The following CRLF3 variants were observed in gnomAD, a reference collection of about 807,000 sequenced individuals.
The protein encoded by CRLF3 is cytokine receptor like factor 3, also known as cytokine receptor-like factor 3.
CRLF3 carries 33 observed loss-of-function variants against 55.0 expected under a neutral mutation model. That is an observed-to-expected ratio of 0.60 (90% CI 0.46 to 0.80). The LOEUF (loss-of-function observed/expected upper bound fraction) is 0.80. CRLF3 is among the 30% of genes least tolerant of loss of function. CRLF3 has a pLI of 0.00. For synonymous variants in CRLF3, 238 were observed against 196.8 expected (o/e 1.21, Z -1.75); for missense variants, 494 against 538.4 (o/e 0.92, Z 0.82).
intron 1 of CRLF3, among the ~76,000 whole-genome samples, chr17:30,817,648 C>T (rs1239343091): frequency 6.6e-6 from 1 of 151,872 alleles, no homozygotes; most frequent in Non-Finnish European, 1.5e-5. Context: ...TGGCTCAAGC[C>T]TGTAATCCCA....
At chr17:30,799,348 C>CAAA (rs1971969949) in intron 2 of CRLF3, among the ~76,000 whole-genome samples, 1 of 152,116 alleles carries the variant, frequency 6.6e-6, no homozygotes, top group Non-Finnish European at 1.5e-5. Context: ...CTGTAACACT[C>CAAA]ACACTGCCTC....
Position 30,786,012 on chromosome 17 carries a change from G to C in CRLF3, c.979C>G (p.Pro327Ala). The change falls in exon 7 of 8, where the codon CCA becomes GCA. Residue 327 changes from proline to alanine, a missense_variant. Physicochemically the swap from Pro to Ala is conservative, Grantham distance 27. Coordinates refer to ENST00000324238, the MANE Select transcript of CRLF3 (RefSeq NM_015986.4). Reference sequence around the variant, plus strand: ...ACTCCTATGCTATCTCTTCTGTCTGGCTGTCCCACAGTTTCAACTCTGTAA... The same window carrying C: ...ACTCCTATGCTATCTCTTCTGTCTGCCTGTCCCACAGTTTCAACTCTGTAA... ...LTFRVETVGQ[P>A]DRRDSIGVCA... 6.2e-7 allele frequency: 1 copy of C among 1,606,554 alleles called. No homozygotes were observed. Among genetic ancestry groups the C allele is most frequent in the Non-Finnish European group, 8.5e-7 (1 of 1,173,878 alleles).
At chr17:30,797,046 A>C (rs1478401391) in intron 3 of CRLF3, among the ~76,000 whole-genome samples, 1 of 151,968 alleles carries the variant, frequency 6.6e-6, no homozygotes, top group East Asian at 1.9e-4. Context: ...TTACAGGTCC[A>C]TGCCCGTCTA....
chr17:30,796,606 A>C (rs1971922099), intron 3 of CRLF3, among the ~76,000 whole-genome samples: 1 of 152,208 alleles, frequency 6.6e-6, no homozygotes, highest in Non-Finnish European at 1.5e-5. Context: ...ATACATTGAT[A>C]ATTTCTAAAA....
intron 1 of CRLF3, among the ~76,000 whole-genome samples, chr17:30,816,006 G>A (rs1480525333): frequency 2.7e-5 from 4 of 150,616 alleles, no homozygotes; most frequent in South Asian, 2.1e-4. Flanking sequence ...TTTGTAGGCC[G>A]GGCATGGTGG....
At chr17:30,821,703 T>C (rs1447795010) in intron 1 of CRLF3, among the ~76,000 whole-genome samples, 1 of 152,166 alleles carries the variant, frequency 6.6e-6, no homozygotes, top group Non-Finnish European at 1.5e-5. Flanking sequence ...TATGAGTTCA[T>C]TTATATGAAA....
chr17:30,790,210 C>G (rs559029317), intron 6 of CRLF3, among the ~76,000 whole-genome samples: 47 of 152,170 alleles, frequency 3.1e-4, no homozygotes, highest in African/African-American at 1.1e-3. Flanking sequence ...GGCCTGAGAA[C>G]AAAAGGAACT....
At chr17:30,792,374 TTATG>T in intron 6 of CRLF3, 62 bp downstream of exon 6, 1 of 1,437,056 alleles carries the variant, frequency 7.0e-7, no homozygotes, top group Non-Finnish European at 9.6e-7. Context: ...AATTCAAAGC[TTATG>T]TATGCTCTAT....
intron 6 of CRLF3, 101 bp downstream of exon 6, chr17:30,792,339 G>A: frequency 8.9e-7 from 1 of 1,127,420 alleles, no homozygotes; most frequent in South Asian, 1.6e-5. Context: ...GCCTATAAAT[G>A]ACGGAATAAA....
Position 30,797,409 on chromosome 17 carries a change from G to C in CRLF3, c.338-11C>G. ...GCATGGCGATTTCACCTACAATCAA[G>C]AATAAGAGAACTAGAACAATGAAAA... On this transcript the variant is annotated splice_polypyrimidine_tract_variant and intron_variant, in intron 2 of 7. Coordinates refer to ENST00000324238, the MANE Select transcript of CRLF3 (RefSeq NM_015986.4). 2 of 1,599,764 alleles carry C rather than the reference G, an allele frequency of 1.3e-6. No individual in the cohort carries two copies. The highest frequency in any genetic ancestry group is 1.7e-6 in the Non-Finnish European group (2 of 1,167,180).
intron 1 of CRLF3, among the ~76,000 whole-genome samples, chr17:30,814,472 T>C (rs1006498987): frequency 1.3e-5 from 2 of 151,662 alleles, no homozygotes; most frequent in African/African-American, 2.4e-5. Context: ...CTGGCCAGTA[T>C]GGCGAAACCC....
chr17:30,819,965 G>A (rs1261424089), intron 1 of CRLF3, among the ~76,000 whole-genome samples: 1 of 152,104 alleles, frequency 6.6e-6, no homozygotes, highest in Admixed American at 6.6e-5. Flanking sequence ...AATATTTATT[G>A]AGTGAATGAA....
intron 1 of CRLF3, among the ~76,000 whole-genome samples, chr17:30,815,763 C>T (rs1295951714): frequency 2.0e-5 from 3 of 148,514 alleles, no homozygotes; most frequent in East Asian, 2.1e-4. Context: ...AGGCTGGTCT[C>T]GAACTCCTGA....
In CRLF3 at chr17:30,785,968, A is replaced by G. The variant is rs765994212; in HGVS notation, c.1023T>C (p.Asp341=). 3.7e-6 allele frequency: 6 copies of G among 1,613,154 alleles called. No homozygotes were observed. Among genetic ancestry groups the G allele is most frequent in the South Asian group, 1.1e-5 (1 of 91,064 alleles). The change falls in exon 7 of 8, where the codon GAT becomes GAC. Residue 341 remains aspartate (D), a synonymous_variant. Transcript: ENST00000324238. The stretch of plus-strand genomic sequence containing the variant: ...GATCCCGCTGCAGAGAGTCATATCC[A>G]TCCTGTTTTTCTGCACACACTCCTA... ...DSIGVCAEKQ[D]GYDSLQRDQA...
chr17:30,822,056 C>T (rs1242578712), intron 1 of CRLF3, among the ~76,000 whole-genome samples: 1 of 144,184 alleles, frequency 6.9e-6, no homozygotes, highest in Non-Finnish European at 1.5e-5. Flanking sequence ...CTGTCCGCAC[C>T]CCCGCCAAAA....
chr17:30,785,925 T>C lies in CRLF3; in HGVS notation c.1066A>G (p.Thr356Ala). ...LQRDQAVCISTNGAVFVNGKE... is the reference protein window; with the variant it reads ...LQRDQAVCISANGAVFVNGKE... ...ACAGTTATTTATCTCTTACCATTTG[T>C]ACTAATGCACACAGCTTGATCCCGC... The change falls in exon 7 of 8, where the codon ACA becomes GCA. Residue 356 changes from threonine to alanine, a missense_variant. Coordinates refer to ENST00000324238, the MANE Select transcript of CRLF3 (RefSeq NM_015986.4). 6.5e-7 allele frequency: 1 copy of C among 1,548,908 alleles called. No homozygotes were observed. Among genetic ancestry groups the C allele is most frequent in the Non-Finnish European group, 8.9e-7 (1 of 1,122,018 alleles).
chr17:30,804,041 A>G lies in CRLF3; in HGVS notation c.197T>C (p.Leu66Pro). The G allele has an allele frequency of 6.2e-7, 1 of 1,613,814 alleles. No individual in the cohort carries two copies. Among genetic ancestry groups the G allele is most frequent in the Non-Finnish European group, 8.5e-7 (1 of 1,179,962 alleles). Residue 66 changes from leucine to proline, a missense_variant, in exon 2 of 8, where the codon CTT (leucine) becomes CCT (proline). Physicochemically the swap from Leu to Pro is moderately conservative, Grantham distance 98. Transcript: ENST00000324238. ...CAATCGCTCATCCAGGAGCTTTCCA[A>G]GGGTTCCCTTTAAATCATTAAAATG... ...KQHFNDLKGT[L>P]GKLLDERLVT...
At position 30,803,959 on chromosome 17, in the gene CRLF3, A is replaced by C. The variant is rs1241457958; in HGVS notation, c.279T>G (p.Asp93Glu). The change falls in exon 2 of 8, where the codon GAT (aspartate) becomes GAG (glutamate). Residue 93 changes from aspartate (D) to glutamate (E), a missense_variant. Physicochemically the swap from Asp to Glu is conservative, Grantham distance 45. Coordinates refer to ENST00000324238, the MANE Select transcript of CRLF3 (RefSeq NM_015986.4). ...CGTGTTCTATGAGCTTCTGGCAGTC[A>C]TCTAGTGGTTTAATGGTCTCCTGTT... Reference protein sequence around the residue: ...TIEQETIKPLDDCQKLIEHGV... With the variant: ...TIEQETIKPLEDCQKLIEHGV... The C allele has an allele frequency of 1.2e-6, 2 of 1,612,470 alleles. No homozygotes were observed. Among genetic ancestry groups the C allele is most frequent in the South Asian group, 2.2e-5 (2 of 91,002 alleles).
intron 5 of CRLF3, chr17:30,792,777 CATA>C (rs1483933277): frequency 4.5e-5 from 20 of 448,866 alleles, no homozygotes; most frequent in Non-Finnish European, 6.8e-5. Context: ...ATAATTTTGA[CATA>C]ATAAATCACA....
Sources: gnomAD v4.1 joint callset for allele counts (sites outside exome capture counted in the v4.1 genomes callset) on GRCh38, gnomAD v4.1.1 for gene constraint, MANE v1.5 for transcripts, NCBI Gene and HGNC (gene_info 2026-07-23, HGNC 2026-07-21) for gene names.